Variants in NEXMIF observed in about 807,000 individuals in gnomAD.
NEXMIF encodes XLMR protein related to neurite extension.
NEXMIF carries 8 observed loss-of-function variants against 62.1 expected under a neutral mutation model. The observed-to-expected ratio is 0.13, with a 90% CI of 0.08 to 0.23. NEXMIF has a LOEUF of 0.23. Ranked by LOEUF, NEXMIF falls within the 10% of genes least tolerant of loss-of-function variation. The pLI is 1.00. For missense variants in NEXMIF, 976 were observed against 1,113.3 expected, an observed-to-expected ratio of 0.88 and a Z score of 1.75; for synonymous variants, 404 against 416.6, an observed-to-expected ratio of 0.97 and a Z score of 0.37.
At chrX:74,756,458 C>T (rs991817959) in intron 1 of NEXMIF, among the ~76,000 whole-genome samples, 6 of 110,658 alleles carry the variant, frequency 5.4e-5, no homozygotes, top group African/African-American at 2.0e-4. Flanking sequence ...AGGCCATGTC[C>T]CCCCACCCCC....
At chrX:74,885,803 C>A (rs956680119) in intron 1 of NEXMIF, among the ~76,000 whole-genome samples, 4 of 111,439 alleles carry the variant, frequency 3.6e-5, no homozygotes, top group Admixed American at 2.9e-4. Flanking sequence ...TTTTATGAGG[C>A]CAGCATCATC....
At chrX:74,828,846 C>T (rs903880314) in intron 1 of NEXMIF, among the ~76,000 whole-genome samples, 3 of 111,751 alleles carry the variant, frequency 2.7e-5, no homozygotes, top group Non-Finnish European at 5.6e-5. Flanking sequence ...CTCTTCTTTG[C>T]TCATTTGTGC....
chrX:74,746,415 C>T lies in NEXMIF; in HGVS notation c.-47-718G>A, dbSNP rs187632376. Among the ~76,000 whole-genome samples, 142 of 111,742 alleles carry T rather than the reference C, an allele frequency of 1.3e-3. 2 individuals are homozygous for T. The highest frequency in any genetic ancestry group is 2.4e-3 in the Non-Finnish European group (126 of 53,157). On this transcript the variant is annotated intron_variant, in intron 1 of 3. Coordinates refer to ENST00000055682, the MANE Select transcript of NEXMIF (RefSeq NM_001008537.3). ...ATAGGACATATATCTATCTGTAGCC[C>T]TTCATCTCCTGCCCACCTACCTGAG...
chrX:74,918,775 AT>A (rs1045349913), intron 1 of NEXMIF, among the ~76,000 whole-genome samples: 17 of 111,226 alleles, frequency 1.5e-4, no homozygotes, highest in African/African-American at 4.3e-4. Flanking sequence ...AAATGGCTCC[AT>A]TTTTTTTCTT....
At chrX:74,752,049 C>T (rs2080145912) in intron 1 of NEXMIF, among the ~76,000 whole-genome samples, 1 of 111,084 alleles carries the variant, frequency 9.0e-6, no homozygotes, top group South Asian at 3.8e-4. Flanking sequence ...TCAGGTGATC[C>T]GGCTGTCTCG....
At chrX:74,746,849 A>T (rs767799141) in intron 1 of NEXMIF, among the ~76,000 whole-genome samples, 84 of 112,763 alleles carry the variant, frequency 7.4e-4, no homozygotes, top group African/African-American at 2.6e-3. Context: ...TTTTCTTCTC[A>T]TTTTATATGA....
At chrX:74,797,116 C>A (rs1028339657) in intron 1 of NEXMIF, among the ~76,000 whole-genome samples, 1 of 111,727 alleles carries the variant, frequency 9.0e-6, no homozygotes, top group African/African-American at 3.3e-5. Flanking sequence ...CATCAAACTA[C>A]CACAAATTGA....
chrX:74,858,622 A>G (rs2080544191), intron 1 of NEXMIF, among the ~76,000 whole-genome samples: 1 of 111,382 alleles, frequency 9.0e-6, no homozygotes. Context: ...ACACGGATGA[A>G]TGTCCACAAG....
intron 1 of NEXMIF, among the ~76,000 whole-genome samples, chrX:74,759,507 T>C (rs1299182915): frequency 8.9e-6 from 1 of 112,308 alleles, no homozygotes; most frequent in East Asian, 2.8e-4. Flanking sequence ...CTTCCAGGGA[T>C]TTTATAGTTT....
chrX:74,803,661 A>G (rs1189286374), intron 1 of NEXMIF, among the ~76,000 whole-genome samples: 1 of 111,564 alleles, frequency 9.0e-6, no homozygotes, highest in African/African-American at 3.3e-5. Flanking sequence ...CAGAAAAGAA[A>G]CAAACAATAT....
chrX:74,848,800 T>C (rs887499895), intron 1 of NEXMIF, among the ~76,000 whole-genome samples: 5 of 111,472 alleles, frequency 4.5e-5, no homozygotes, highest in Admixed American at 1.9e-4. Context: ...GATTAGGACA[T>C]GAGAGTGGAC....
chrX:74,809,224 TA>T (rs1018045024), intron 1 of NEXMIF, among the ~76,000 whole-genome samples: 1 of 110,340 alleles, frequency 9.1e-6, no homozygotes, highest in African/African-American at 3.3e-5. Flanking sequence ...AAACACTGCT[TA>T]AAAAAAAATA....
chrX:74,819,634 G>A (rs977717748), intron 1 of NEXMIF, among the ~76,000 whole-genome samples: 1 of 112,123 alleles, frequency 8.9e-6, no homozygotes, highest in Non-Finnish European at 1.9e-5. Flanking sequence ...AAACCACAAT[G>A]AGATACCATC....
chrX:74,825,891 TACC>T (rs1395895819), intron 1 of NEXMIF, among the ~76,000 whole-genome samples: 1 of 112,750 alleles, frequency 8.9e-6, no homozygotes, highest in Non-Finnish European at 1.9e-5. Flanking sequence ...AGTGTATATG[TACC>T]ACATTTCCTT....
chrX:74,909,996 A>T, intron 1 of NEXMIF, among the ~76,000 whole-genome samples: 1 of 112,510 alleles, frequency 8.9e-6, no homozygotes, highest in Non-Finnish European at 1.9e-5. Flanking sequence ...CCCAGGCAAA[A>T]GTTTGCTGCA....
At position 74,741,834 on chromosome X, in the gene NEXMIF, A is replaced by C. The variant is rs773043102; in HGVS notation, c.2723T>G (p.Ile908Arg). ...QEFMAEVSRE[I>R]APTQSSEFGA... ...AAATTCACTGGATTGGGTTGGGGCTATCTCCCTTGAGACTTCAGCCATGAA... is the reference window on the plus strand; with the variant it reads ...AAATTCACTGGATTGGGTTGGGGCTCTCTCCCTTGAGACTTCAGCCATGAA... Residue 908 changes from isoleucine (I) to arginine (R), a missense_variant, in exon 3 of 4, where the codon ATA becomes AGA. This residue lies in a region of NEXMIF where 639 missense variants were observed against 694.5 expected (regional missense o/e 0.92). Transcript: ENST00000055682. 4.0e-5 allele frequency: 48 copies of C among 1,210,297 alleles called. No homozygotes were observed. The highest frequency in any genetic ancestry group is 5.4e-5 in the Non-Finnish European group (48 of 895,255).
intron 1 of NEXMIF, among the ~76,000 whole-genome samples, chrX:74,791,205 A>C (rs190464890): frequency 2.1e-4 from 23 of 111,730 alleles, no homozygotes; most frequent in African/African-American, 7.5e-4. Context: ...GAATTTTGTC[A>C]AAGGCTTTTT....
chrX:74,817,816 T>G (rs776997199), intron 1 of NEXMIF, among the ~76,000 whole-genome samples: 6 of 111,420 alleles, frequency 5.4e-5, no homozygotes, highest in Non-Finnish European at 1.1e-4. Context: ...CTAGGTGATT[T>G]TACACAGTAG....
chrX:74,779,706 C>A (rs1404612905), intron 1 of NEXMIF, among the ~76,000 whole-genome samples: 1 of 112,096 alleles, frequency 8.9e-6, no homozygotes, highest in African/African-American at 3.2e-5. Context: ...ATGCCTTTTG[C>A]TCCACACTAT....
Sources: allele counts gnomAD v4.1 joint callset (sites outside exome capture counted in the v4.1 genomes callset), GRCh38; gene constraint gnomAD v4.1.1; regional missense constraint gnomAD v4.1.1; transcripts MANE v1.5; gene names NCBI Gene and HGNC (gene_info 2026-07-23, HGNC 2026-07-21).